RAB37: variants seen among roughly 807,000 people sequenced by gnomAD.
RAB37 encodes RAB37, member RAS oncogene family, also known as ras-related protein Rab-37.
A neutral mutation model predicts 33.1 loss-of-function variants in RAB37; 29 were observed. The observed-to-expected ratio is 0.88, with a 90% CI of 0.65 to 1.20. The LOEUF (loss-of-function observed/expected upper bound fraction) is 1.20. Ranked by LOEUF, RAB37 falls within the 50% of genes most tolerant of loss-of-function variation. The pLI, the probability that RAB37 is intolerant of heterozygous loss-of-function variation, is 0.00. For synonymous variants in RAB37, 128 were observed against 119.5 expected, an observed-to-expected ratio of 1.07 and a Z score of -0.47; for missense variants, 299 against 301.1, an observed-to-expected ratio of 0.99 and a Z score of 0.05.
At chr17:74,732,440 T>A (rs1330628480), upstream of RAB37, among the ~76,000 whole-genome samples, 1 of 148,690 alleles carries the variant, frequency 6.7e-6, no homozygotes, top group African/African-American at 2.5e-5. Context: ...TAGCAGGGAG[T>A]CCCCTGCCCC....
chr17:74,740,833 C>T lies in RAB37; in HGVS notation c.159C>T (p.Ala53=), dbSNP rs771168814. Residue 53 remains alanine (A), a synonymous_variant, in exon 2 of 9, where the codon GCC becomes GCT. Transcript: ENST00000392613. The part of the protein sequence containing the change: ...TCFLIQFKDG[A]FLSGTFIATV... ...TCCTGATCCAATTCAAAGACGGGGCCTTCCTGTCCGGAACCTTCATAGCCA... is the reference window on the plus strand; with the variant it reads ...TCCTGATCCAATTCAAAGACGGGGCTTTCCTGTCCGGAACCTTCATAGCCA... 1.9e-6 allele frequency: 3 copies of T among 1,614,172 alleles called. No homozygotes were observed. The South Asian group carries it at 3.3e-5, about 18-fold the overall frequency.
chr17:74,712,775 C>A, intron 1 of RAB37: 1 of 1,608,730 alleles, frequency 6.2e-7, no homozygotes, highest in Non-Finnish European at 8.5e-7. Flanking sequence ...TCAGCCACCT[C>A]CTCCTGCTTG....
chr17:74,709,526 A>G (rs1261720330), intron 1 of RAB37, among the ~76,000 whole-genome samples: 1 of 152,178 alleles, frequency 6.6e-6, no homozygotes, highest in Non-Finnish European at 1.5e-5. Flanking sequence ...TCCACAATTA[A>G]AAAGACTTTT....
At chr17:74,682,322 C>T (rs1173769272) in intron 1 of RAB37, among the ~76,000 whole-genome samples, 1 of 152,078 alleles carries the variant, frequency 6.6e-6, no homozygotes, top group Non-Finnish European at 1.5e-5. Context: ...CGGCCTCACT[C>T]TCTGTCTCTC....
intron 1 of RAB37, among the ~76,000 whole-genome samples, 157 bp downstream of exon 1, chr17:74,737,522 T>G (rs2034509223): frequency 6.6e-6 from 1 of 152,036 alleles, no homozygotes; most frequent in East Asian, 1.9e-4. Context: ...CGTCCCAAGC[T>G]CTAGGTGTCT....
intron 1 of RAB37, among the ~76,000 whole-genome samples, chr17:74,700,830 G>A (rs915319978): frequency 6.6e-6 from 1 of 152,040 alleles, no homozygotes; most frequent in Non-Finnish European, 1.5e-5. Context: ...CAATCCATAT[G>A]TTGAAGTCCC....
chr17:74,712,070 C>T (rs1471938141), intron 1 of RAB37, among the ~76,000 whole-genome samples: 1 of 151,804 alleles, frequency 6.6e-6, no homozygotes, highest in Non-Finnish European at 1.5e-5. Context: ...TGCCACCATA[C>T]CTGGCTAATT....
chr17:74,712,964 G>C (rs1473915104), intron 1 of RAB37: 2 of 1,255,488 alleles, frequency 1.6e-6, no homozygotes, highest in East Asian at 2.5e-5. Flanking sequence ...TCTCGCCCTT[G>C]AACTTCCTCC....
rs1404363634 is a variant in RAB37, at chr17:74,730,593, G to A, written c.183+1227G>A. On this transcript the variant is annotated intron_variant, in intron 2 of 7. Transcript: ENST00000340415. This position sits in a 1 kb window ranked among gnomAD's most constrained non-coding sequence, Gnocchi z 4.4. ...GAAGGGCTGAGACCCAGGAGGCCAA[G>A]GCTACCTGGCAATCCCTGAGGTCTG... Among the ~76,000 whole-genome samples the A allele has an allele frequency of 1.3e-5, 2 of 152,172 alleles. No homozygotes were observed. The highest frequency in any genetic ancestry group is 2.4e-5 in the African/African-American group (1 of 41,446).
chr17:74,737,911 C>T lies in RAB37; in HGVS notation c.93+546C>T, dbSNP rs115987034. On this transcript the variant is annotated intron_variant, in intron 1 of 8. Transcript: ENST00000392613. Reference sequence around the variant, plus strand: ...CCCTGCAGTCGGAAGCCGCTCCTCCCAGAAGGATGTTGCCAGCCGGCCTGC... The same window carrying T: ...CCCTGCAGTCGGAAGCCGCTCCTCCTAGAAGGATGTTGCCAGCCGGCCTGC... Among the ~76,000 whole-genome samples the T allele has an allele frequency of 5.0e-3, 761 of 152,302 alleles. 8 individuals carry two copies. The highest frequency in any genetic ancestry group is 0.017 in the African/African-American group (721 of 41,562).
Position 74,740,876 on chromosome 17 carries a change from A to C in RAB37, c.202A>C (p.Arg68=). ...CATAGCCACCGTCGGCATAGACTTC[A>C]GGGTGAGGTGGCTGCAGGCACTTGC... ...TFIATVGIDF[R]NKVVTVDGVR... is the part of the protein sequence containing the mutation. Residue 68 remains arginine, a splice_region_variant and synonymous_variant, in exon 2 of 9, where the codon AGG becomes CGG. Coordinates refer to ENST00000392613, the MANE Select transcript of RAB37 (RefSeq NM_001006638.3). The C allele has an allele frequency of 6.2e-7, 1 of 1,606,806 alleles. No individual in the cohort carries two copies. The highest frequency in any genetic ancestry group is 8.5e-7 in the Non-Finnish European group (1 of 1,173,426).
chr17:74,741,479 G>C (rs778569673), intron 2 of RAB37, among the ~76,000 whole-genome samples: 1 of 151,974 alleles, frequency 6.6e-6, no homozygotes, highest in East Asian at 1.9e-4. Context: ...CCAGCTACTC[G>C]GGAGGCTGAG....
At chr17:74,736,364 G>A (rs756077305), upstream of RAB37, among the ~76,000 whole-genome samples, 3 of 152,210 alleles carry the variant, frequency 2.0e-5, no homozygotes, top group African/African-American at 4.8e-5. Context: ...GTCGGCCCAG[G>A]CCACAGAGCC....
intron 1 of RAB37, chr17:74,695,640 G>C: frequency 1.3e-6 from 2 of 1,591,432 alleles, no homozygotes; most frequent in Non-Finnish European, 1.7e-6. Flanking sequence ...ACATGAGCAG[G>C]AGAAAGCCCA....
intron 2 of RAB37, among the ~76,000 whole-genome samples, chr17:74,731,488 TG>T (rs1221400730): frequency 5.3e-5 from 8 of 152,272 alleles, no homozygotes; most frequent in African/African-American, 1.9e-4. Context: ...CCAGGTCCTG[TG>T]TAGATGCCTC....
chr17:74,728,756 A>G (rs1168427042), intron 1 of RAB37, among the ~76,000 whole-genome samples: 1 of 142,954 alleles, frequency 7.0e-6, no homozygotes, highest in Non-Finnish European at 1.5e-5. Flanking sequence ...CTGTGTCTGT[A>G]TGTGTCTTGT....
chr17:74,742,873 C>T lies in RAB37; in HGVS notation c.247-256C>T, dbSNP rs1054973200. Among the ~76,000 whole-genome samples the T allele has an allele frequency of 6.6e-6, 1 of 152,124 alleles. No individual in the cohort carries two copies. The highest frequency in any genetic ancestry group is 6.5e-5 in the Admixed American group (1 of 15,274). ...ATCTCCTGACCTCGTGATCCGCCTG[C>T]CTCGGCCTCCCAAAGTGCTGGGATT... On this transcript the variant is annotated intron_variant, in intron 3 of 8. Coordinates refer to ENST00000392613, the MANE Select transcript of RAB37 (RefSeq NM_001006638.3). This position sits in a 1 kb window ranked among gnomAD's most constrained non-coding sequence, Gnocchi z 4.0.
rs536902826 is a variant in RAB37, at chr17:74,686,565, A to AT, written c.72+14915dup. Among the ~76,000 whole-genome samples the AT allele has an allele frequency of 2.1e-4, 31 of 150,020 alleles. No homozygotes were observed. In the South Asian group the frequency reaches 5.7e-3, roughly 28 times the overall value. On this transcript the variant is annotated intron_variant, in intron 1 of 7. Coordinates refer to the RAB37 transcript ENST00000340415. ...ACCACTACACCTAGCTAGTTTTTGTATTTTTTTTAGTAGATACGAGGTTTT... is the reference window on the plus strand; with the variant it reads ...ACCACTACACCTAGCTAGTTTTTGTATTTTTTTTTAGTAGATACGAGGTTTT...
rs1032788834 is a variant in RAB37 at position 74,714,434 on chromosome 17, C to T, written c.73-14822C>T. On this transcript the variant is annotated intron_variant, in intron 1 of 7. Transcript: ENST00000340415. ...ACACACACACACACACACACACACACGCACGCACAGAGAGGTTCAGAGAGA... is the reference window on the plus strand; with the variant it reads ...ACACACACACACACACACACACACATGCACGCACAGAGAGGTTCAGAGAGA... Among the ~76,000 whole-genome samples, 4 of 149,220 alleles carry T rather than the reference C, an allele frequency of 2.7e-5. No homozygotes were observed. The East Asian group carries it at 5.9e-4, about 22-fold the overall frequency.
Sources: gnomAD v4.1 joint callset for allele counts (sites outside exome capture counted in the v4.1 genomes callset) on GRCh38, gnomAD v4.1.1 for gene constraint, Gnocchi (gnomAD v3.1) non-coding constraint, MANE v1.5 for transcripts, NCBI Gene and HGNC (gene_info 2026-07-23, HGNC 2026-07-21) for gene names.